PITPNC1: variants seen among roughly 807,000 people sequenced by gnomAD.
PITPNC1 encodes phosphatidylinositol transfer protein cytoplasmic 1.
In PITPNC1, 18 loss-of-function variants were observed where a neutral mutation model predicts 44.7. That is an observed-to-expected ratio of 0.40 (90% CI 0.28 to 0.60). The LOEUF (loss-of-function observed/expected upper bound fraction) is 0.60. PITPNC1 is among the 20% of genes least tolerant of loss of function. The pLI is 0.39. For missense variants in PITPNC1, 290 were observed against 418.4 expected (o/e 0.69, Z 2.68); for synonymous variants, 141 against 149.6 (o/e 0.94, Z 0.42).
chr17:67,391,198 C>G (rs900682023), intron 1 of PITPNC1, among the ~76,000 whole-genome samples: 1 of 152,010 alleles, frequency 6.6e-6, no homozygotes. Context: ...ATCTGACCAT[C>G]TTTAGGGTGT....
intron 1 of PITPNC1, among the ~76,000 whole-genome samples, chr17:67,443,151 C>T (rs1026616978): frequency 9.2e-5 from 14 of 152,044 alleles, no homozygotes; most frequent in African/African-American, 3.1e-4. Flanking sequence ...CCCACCAGGG[C>T]GCCTGCCCTG....
chr17:67,495,052 G>GTTTTTTTT (rs1243868487), intron 1 of PITPNC1, among the ~76,000 whole-genome samples: 104 of 38,532 alleles, frequency 2.7e-3, no homozygotes, highest in African/African-American at 5.4e-3. Context: ...TTTTTTTTTT[G>GTTTTTTTT]TTTTTTTTTT....
chr17:67,665,041 A>G (rs980515660), intron 6 of PITPNC1, among the ~76,000 whole-genome samples: 2 of 151,880 alleles, frequency 1.3e-5, no homozygotes, highest in African/African-American at 4.8e-5. Context: ...TTTTGTGGCT[A>G]TTATGAATTA....
chr17:67,688,334 GTC>G (rs1427656991), intron 8 of PITPNC1, among the ~76,000 whole-genome samples: 6 of 10,204 alleles, frequency 5.9e-4, no homozygotes, highest in East Asian at 7.4e-3. Flanking sequence ...GCAAAATTCT[GTC>G]TCAAAAAAAA....
Position 67,382,338 on chromosome 17 carries a change from G to GGTGTGT in PITPNC1, c.48+4165_48+4170dup, listed in dbSNP as rs112100189. Among the ~76,000 whole-genome samples, 232 of 146,198 alleles carry GGTGTGT rather than the reference G, an allele frequency of 1.6e-3. 1 individual carries two copies. The highest frequency in any genetic ancestry group is 6.7e-3 in the South Asian group (30 of 4,488). ...GATTAGAGTGTTGGTGGGGTTTTTT[G>GGTGTGT]GTGTGTGTGTGTGTGTGTGTGTGTG... On this transcript the variant is annotated intron_variant, in intron 1 of 8. Transcript: ENST00000581322.
chr17:67,673,753 A>C (rs2042551121), intron 7 of PITPNC1, among the ~76,000 whole-genome samples: 1 of 151,900 alleles, frequency 6.6e-6, no homozygotes, highest in African/African-American at 2.4e-5. Context: ...GTTCGAGACC[A>C]GCCTGACCAA....
At chr17:67,402,363 C>G (rs2038328855) in intron 1 of PITPNC1, among the ~76,000 whole-genome samples, 1 of 152,264 alleles carries the variant, frequency 6.6e-6, no homozygotes, top group East Asian at 1.9e-4. Context: ...ATTTACTGAT[C>G]TTAGATATTG....
intron 1 of PITPNC1, among the ~76,000 whole-genome samples, chr17:67,432,244 C>T (rs1342121775): frequency 6.6e-6 from 1 of 152,190 alleles, no homozygotes; most frequent in Non-Finnish European, 1.5e-5. Flanking sequence ...AATCCCAGCA[C>T]TTTGGGAGGC....
chr17:67,409,066 T>C (rs1357578068), intron 1 of PITPNC1, among the ~76,000 whole-genome samples: 1 of 142,570 alleles, frequency 7.0e-6, no homozygotes, highest in Non-Finnish European at 1.5e-5. Context: ...GGGTCCAAAT[T>C]CATTCTTTTT....
intron 1 of PITPNC1, among the ~76,000 whole-genome samples, chr17:67,503,851 G>A (rs1214044230): frequency 2.0e-5 from 3 of 152,124 alleles, no homozygotes; most frequent in East Asian, 1.9e-4. Flanking sequence ...TTCTTTACGC[G>A]ATATGAGTTC....
intron 1 of PITPNC1, among the ~76,000 whole-genome samples, chr17:67,485,918 C>T (rs765680898): frequency 3.3e-5 from 5 of 151,986 alleles, no homozygotes; most frequent in Non-Finnish European, 2.9e-5. Flanking sequence ...TAATAACTTG[C>T]GTATTAAAGA....
At chr17:67,573,113 G>T (rs1463905508) in intron 4 of PITPNC1, among the ~76,000 whole-genome samples, 1 of 152,230 alleles carries the variant, frequency 6.6e-6, no homozygotes, top group Non-Finnish European at 1.5e-5. Flanking sequence ...TAATTCTAGA[G>T]TACCAGTACA....
chr17:67,379,742 C>T (rs79129925), intron 1 of PITPNC1, among the ~76,000 whole-genome samples: 2,511 of 152,256 alleles, frequency 0.016, 42 homozygotes, highest in Admixed American at 0.059. Flanking sequence ...AGTAATTCAG[C>T]TGGGAGGCAT....
At chr17:67,488,942 GAAT>G (rs1312776519) in intron 1 of PITPNC1, among the ~76,000 whole-genome samples, 1 of 152,172 alleles carries the variant, frequency 6.6e-6, no homozygotes, top group Non-Finnish European at 1.5e-5. Context: ...TTTCAGGAGT[GAAT>G]AATATTCCAT....
At chr17:67,551,861 A>G (rs1050697167) in intron 2 of PITPNC1, among the ~76,000 whole-genome samples, 2 of 152,130 alleles carry the variant, frequency 1.3e-5, no homozygotes, top group African/African-American at 4.8e-5. Context: ...ATCTATCTCT[A>G]AGATTAGCTT....
At chr17:67,410,856 G>A (rs1389354928) in intron 1 of PITPNC1, among the ~76,000 whole-genome samples, 2 of 151,820 alleles carry the variant, frequency 1.3e-5, no homozygotes, top group African/African-American at 2.4e-5. Context: ...AGGCCGAGGC[G>A]GGTGGATCAC....
intron 6 of PITPNC1, among the ~76,000 whole-genome samples, chr17:67,647,026 G>T (rs1421788253): frequency 2.0e-5 from 3 of 152,134 alleles, no homozygotes; most frequent in Admixed American, 2.0e-4. Context: ...ATCACTCTAA[G>T]AAATAGTTCC....
At chr17:67,425,253 ACACACACACAGAGG>A (rs1268959442) in intron 1 of PITPNC1, among the ~76,000 whole-genome samples, 6 of 141,390 alleles carry the variant, frequency 4.2e-5, no homozygotes, top group South Asian at 2.2e-4. Context: ...ACACACACAC[ACACACACACAGAGG>A]GAGAGAGAGA....
intron 6 of PITPNC1, among the ~76,000 whole-genome samples, chr17:67,653,851 G>T (rs1011950793): frequency 6.6e-6 from 1 of 152,210 alleles, no homozygotes; most frequent in African/African-American, 2.4e-5. Flanking sequence ...AAAGGACAGC[G>T]TATGCCTCTG....
Sources: gnomAD v4.1 joint callset for allele counts (sites outside exome capture counted in the v4.1 genomes callset) on GRCh38, gnomAD v4.1.1 for gene constraint, MANE v1.5 for transcripts, NCBI Gene and HGNC (gene_info 2026-07-23, HGNC 2026-07-21) for gene names.